The following LIMS1 variants were observed in gnomAD, a reference collection of about 807,000 sequenced individuals.
The protein encoded by LIMS1 is LIM and senescent cell antigen-like-containing domain protein 1.
A neutral mutation model predicts 44.1 loss-of-function variants in LIMS1; 18 were observed. The ratio of observed to expected loss-of-function variants is 0.41; its 90% CI spans 0.28 to 0.61. The LOEUF (loss-of-function observed/expected upper bound fraction) is 0.61. Ranked by LOEUF, LIMS1 falls within the 20% of genes least tolerant of loss-of-function variation. LIMS1 has a pLI of 0.32. For synonymous variants in LIMS1, 93 were observed against 149.1 expected (o/e 0.62, Z 2.74); for missense variants, 201 against 422.0 (o/e 0.48, Z 4.59).
intron 1 of LIMS1, among the ~76,000 whole-genome samples, chr2:108,608,530 T>A (rs994034980): frequency 5.3e-5 from 8 of 152,180 alleles, no homozygotes; most frequent in African/African-American, 1.9e-4. Context: ...GGTCTCTATC[T>A]CTTGACCTCA....
At chr2:108,579,959 T>C (rs891138160) in intron 1 of LIMS1, among the ~76,000 whole-genome samples, 38 of 152,340 alleles carry the variant, frequency 2.5e-4, no homozygotes, top group Non-Finnish European at 4.3e-4. Flanking sequence ...TCCGCAGGGC[T>C]GCAGCCTGTG....
At chr2:108,664,606 C>A (rs570736157) in intron 2 of LIMS1, among the ~76,000 whole-genome samples, 4 of 152,098 alleles carry the variant, frequency 2.6e-5, no homozygotes, top group Non-Finnish European at 5.9e-5. Context: ...TTAAATCTTC[C>A]CAATTTATGA....
chr2:108,686,561 G>A (rs1404106236), exon 10 of LIMS1: 2 of 151,682 alleles, frequency 1.3e-5, no homozygotes, highest in Admixed American at 1.3e-4. Flanking sequence ...CACGAGGTCA[G>A]GAGATCCAGA....
chr2:108,568,291 G>T (rs1685363324), intron 1 of LIMS1, among the ~76,000 whole-genome samples: 1 of 152,150 alleles, frequency 6.6e-6, no homozygotes, highest in Admixed American at 6.5e-5. Flanking sequence ...TGCAATATTT[G>T]TTCTTTTGTG....
chr2:108,683,857 C>CT (rs759150289), intron 9 of LIMS1, 28 bp from the exon 10 acceptor site: 1,292 of 1,259,716 alleles, frequency 1.0e-3, no homozygotes, highest in Non-Finnish European at 1.2e-3. Flanking sequence ...CCACTAACTT[C>CT]TTTTTTTTTA....
chr2:108,583,992 CTGT>C (rs528573258), intron 1 of LIMS1, among the ~76,000 whole-genome samples: 161 of 152,186 alleles, frequency 1.1e-3, no homozygotes, highest in African/African-American at 3.7e-3. Flanking sequence ...CTGCACCTGG[CTGT>C]TGTTGCTGTT....
intron 1 of LIMS1, among the ~76,000 whole-genome samples, chr2:108,559,286 G>T (rs7581929): frequency 0.44 from 66,610 of 152,044 alleles, 16,072 homozygotes; most frequent in East Asian, 0.95. Context: ...CCTGAGAATT[G>T]TTAAATGTCC....
chr2:108,660,874 T>G, intron 2 of LIMS1, among the ~76,000 whole-genome samples: 1 of 150,818 alleles, frequency 6.6e-6, no homozygotes, highest in Non-Finnish European at 1.5e-5. Context: ...CTTACATATT[T>G]GTACGTAAAT....
chr2:108,582,133 A>C lies in LIMS1; in HGVS notation c.32+47539A>C, dbSNP rs930796960. On this transcript the variant is annotated intron_variant, in intron 1 of 9. Transcript: ENST00000544547. The stretch of plus-strand genomic sequence containing the variant: ...TATTGATGAGTTAAGTCAAACCCTG[A>C]CAAGCGGTTCCCTTAGGTACTTCAG... Among the ~76,000 whole-genome samples the C allele has an allele frequency of 2.0e-5, 3 of 152,346 alleles. 1 individual carries two copies. The South Asian group carries it at 6.2e-4, about 32-fold the overall frequency.
At chr2:108,645,449 A>G (rs1689993012) in intron 1 of LIMS1, among the ~76,000 whole-genome samples, 1 of 152,200 alleles carries the variant, frequency 6.6e-6, no homozygotes, top group African/African-American at 2.4e-5. Flanking sequence ...ATGCTGAGAC[A>G]GTTTGTCACC....
intron 1 of LIMS1, among the ~76,000 whole-genome samples, chr2:108,567,513 G>A (rs930009074): frequency 1.3e-5 from 2 of 152,250 alleles, no homozygotes; most frequent in Admixed American, 6.5e-5. Flanking sequence ...AATAAAACAC[G>A]ACAGTAAACG....
intron 1 of LIMS1, among the ~76,000 whole-genome samples, chr2:108,597,370 G>A (rs1473576827): frequency 6.6e-6 from 1 of 152,166 alleles, no homozygotes; most frequent in Admixed American, 6.5e-5. Context: ...ACACGTGATT[G>A]TAATGATGAT....
intron 1 of LIMS1, among the ~76,000 whole-genome samples, chr2:108,640,433 C>T (rs1040355096): frequency 3.9e-5 from 6 of 152,166 alleles, no homozygotes; most frequent in Non-Finnish European, 7.3e-5. Flanking sequence ...TACTTTCTGC[C>T]TGTTGTGGGC....
At chr2:108,575,216 G>A (rs2104640971) in intron 1 of LIMS1, among the ~76,000 whole-genome samples, 1 of 151,972 alleles carries the variant, frequency 6.6e-6, no homozygotes, top group East Asian at 1.9e-4. Context: ...CCCCTCCAAG[G>A]TTGGGGAGGA....
intron 1 of LIMS1, among the ~76,000 whole-genome samples, chr2:108,549,279 C>A (rs1276309924): frequency 5.4e-5 from 3 of 55,794 alleles, no homozygotes; most frequent in Non-Finnish European, 6.2e-5. Context: ...TAAAGTGTTT[C>A]TTTTTTTTTT....
rs191522641 is a variant in LIMS1, at chr2:108,568,317, C to T, written c.32+33723C>T. ...TTCTTTTGTGACTGGCTTTCTATTT[C>T]ACTTCACATAATGTCCTCAAGCTTC... On this transcript the variant is annotated intron_variant, in intron 1 of 9. Transcript: ENST00000544547. Among the ~76,000 whole-genome samples the T allele has an allele frequency of 1.9e-3, 289 of 152,312 alleles. 3 individuals are homozygous for T. The highest frequency in any genetic ancestry group is 6.6e-3 in the African/African-American group (275 of 41,578).
In LIMS1 at chr2:108,681,754, G is replaced by A. The variant is rs151135192; in HGVS notation, c.899+984G>A. 449 of 209,506 alleles carry A rather than the reference G, an allele frequency of 2.1e-3. 2 individuals carry two copies. The highest frequency in any genetic ancestry group is 0.01 in the African/African-American group (429 of 41,806). The allele number at this position is 209,506 out of a possible 1,614,324, so 13.0% of individuals were successfully genotyped here. On this transcript the variant is annotated intron_variant, in intron 9 of 9. Transcript: ENST00000544547. ...TGGACTACATGCCTAGACCCCATCC[G>A]TCAAAAAAAAAAAACAAATTAGCCA...
At chr2:108,612,061 T>A (rs1427765362) in intron 1 of LIMS1, among the ~76,000 whole-genome samples, 4 of 146,750 alleles carry the variant, frequency 2.7e-5, no homozygotes, top group South Asian at 2.2e-4. Flanking sequence ...CACATATATA[T>A]ATATATATAC....
intron 1 of LIMS1, among the ~76,000 whole-genome samples, chr2:108,574,122 T>G (rs1365705296): frequency 6.6e-6 from 1 of 151,722 alleles, no homozygotes. Context: ...GATGATTAGG[T>G]CTGGATATTT....
Sources: allele counts gnomAD v4.1 joint callset (sites outside exome capture counted in the v4.1 genomes callset), GRCh38; gene constraint gnomAD v4.1.1; transcripts MANE v1.5; gene names NCBI Gene and HGNC (gene_info 2026-07-23, HGNC 2026-07-21).